CNTN5: variants seen among roughly 807,000 people sequenced by gnomAD.
CNTN5 encodes contactin-5.
CNTN5 carries 77 observed loss-of-function variants against 129.1 expected under a neutral mutation model. The observed-to-expected ratio is 0.60, with a 90% CI of 0.50 to 0.72. The LOEUF is 0.72. Among genes scored for constraint, CNTN5 ranks in the 30% least tolerant of loss-of-function variants. CNTN5 has a pLI of 0.00. For synonymous variants in CNTN5, 509 were observed against 465.6 expected, an observed-to-expected ratio of 1.09 and a Z score of -1.20; for missense variants, 1,478 against 1,328.8, an observed-to-expected ratio of 1.11 and a Z score of -1.75.
At chr11:100,022,733 T>C (rs1160050608) in intron 9 of CNTN5, among the ~76,000 whole-genome samples, 1 of 152,188 alleles carries the variant, frequency 6.6e-6, no homozygotes, top group Non-Finnish European at 1.5e-5. Context: ...ATTTCAACTT[T>C]TGTATGCCTA....
intron 9 of CNTN5, among the ~76,000 whole-genome samples, chr11:100,019,631 A>G (rs1081362): frequency 0.42 from 63,630 of 151,698 alleles, 13,828 homozygotes; most frequent in East Asian, 0.56. Context: ...CTTGGCTGTT[A>G]TAAATATATG....
chr11:99,924,353 T>G (rs1197730803), intron 7 of CNTN5, among the ~76,000 whole-genome samples: 1 of 152,170 alleles, frequency 6.6e-6, no homozygotes, highest in East Asian at 1.9e-4. Context: ...TTAGGTTTTC[T>G]TCTAGGATTT....
chr11:100,337,092 C>G, intron 21 of CNTN5: 1 of 1,352,588 alleles, frequency 7.4e-7, no homozygotes, highest in Non-Finnish European at 1.1e-6. Context: ...TAGGGATCAT[C>G]AGACATGCAG....
At chr11:99,503,304 AC>A (rs1161697997) in intron 2 of CNTN5, among the ~76,000 whole-genome samples, 2 of 152,216 alleles carry the variant, frequency 1.3e-5, no homozygotes, top group African/African-American at 4.8e-5. Context: ...GGTTGTCAAA[AC>A]CGGGTGATCC....
chr11:100,025,600 G>A (rs545694769), intron 9 of CNTN5, among the ~76,000 whole-genome samples: 2 of 152,274 alleles, frequency 1.3e-5, no homozygotes, highest in African/African-American at 4.8e-5. Context: ...CAACTGGGAG[G>A]GGGACTGTAC....
At chr11:100,066,610 CAT>C (rs1943704715) in intron 10 of CNTN5, among the ~76,000 whole-genome samples, 1 of 151,974 alleles carries the variant, frequency 6.6e-6, no homozygotes, top group Non-Finnish European at 1.5e-5. Context: ...TTTAAAGTGC[CAT>C]ATGTCTCTTC....
intron 2 of CNTN5, among the ~76,000 whole-genome samples, chr11:99,521,617 T>G (rs1947278966): frequency 6.6e-6 from 1 of 152,312 alleles, no homozygotes; most frequent in South Asian, 2.1e-4. Flanking sequence ...TTGCTTTAAC[T>G]GCGTTAGCTT....
At chr11:99,308,162 T>C (rs1355850557) in intron 1 of CNTN5, among the ~76,000 whole-genome samples, 1 of 152,214 alleles carries the variant, frequency 6.6e-6, no homozygotes, top group African/African-American at 2.4e-5. Flanking sequence ...CCTGTTTCTT[T>C]CTAGTACTAC....
chr11:99,948,872 C>T (rs1314734146), intron 7 of CNTN5, among the ~76,000 whole-genome samples: 1 of 152,176 alleles, frequency 6.6e-6, no homozygotes, highest in African/African-American at 2.4e-5. Flanking sequence ...AGAAAATTTG[C>T]CACACCTGGA....
At chr11:100,023,280 T>C (rs79404759) in intron 9 of CNTN5, among the ~76,000 whole-genome samples, 6,705 of 152,288 alleles carry the variant, frequency 0.044, 191 homozygotes, top group African/African-American at 0.078. Flanking sequence ...TGATCTTCTG[T>C]TAATCACCTC....
chr11:100,269,114 G>A (rs73563746), intron 17 of CNTN5, among the ~76,000 whole-genome samples: 2,699 of 152,276 alleles, frequency 0.018, 92 homozygotes, highest in African/African-American at 0.062. Flanking sequence ...CTGATAAGGC[G>A]TAGTCAGGTG....
At chr11:99,855,665 A>T (rs999371219) in intron 6 of CNTN5, among the ~76,000 whole-genome samples, 1 of 152,180 alleles carries the variant, frequency 6.6e-6, no homozygotes, top group Non-Finnish European at 1.5e-5. Context: ...CTCCTTTCCA[A>T]GTAAGGTATC....
chr11:99,769,408 T>C (rs537819236), intron 3 of CNTN5, among the ~76,000 whole-genome samples: 1 of 152,310 alleles, frequency 6.6e-6, no homozygotes, highest in African/African-American at 2.4e-5. Context: ...TACTTTTTTC[T>C]TATTCATAAA....
At chr11:99,594,016 G>T (rs935348958) in intron 3 of CNTN5, among the ~76,000 whole-genome samples, 2 of 152,110 alleles carry the variant, frequency 1.3e-5, no homozygotes, top group Non-Finnish European at 2.9e-5. Context: ...TTTAGAATTG[G>T]TGCATTTTAA....
intron 3 of CNTN5, among the ~76,000 whole-genome samples, chr11:99,666,804 G>T (rs1952809483): frequency 6.6e-6 from 1 of 152,136 alleles, no homozygotes; most frequent in African/African-American, 2.4e-5. Context: ...GCTCCAGTCA[G>T]AAGGGAGAGC....
intron 1 of CNTN5, among the ~76,000 whole-genome samples, chr11:99,039,609 G>A (rs764418991): frequency 2.0e-5 from 3 of 152,086 alleles, no homozygotes; most frequent in Admixed American, 6.6e-5. Context: ...CTGGAGTCAC[G>A]TACATTTCAG....
intron 2 of CNTN5, among the ~76,000 whole-genome samples, chr11:99,514,573 A>G (rs1269510141): frequency 6.6e-6 from 1 of 152,084 alleles, no homozygotes; most frequent in African/African-American, 2.4e-5. Flanking sequence ...TCCAGAACCC[A>G]ATAACATTAA....
chr11:99,797,802 G>A (rs1480011144), intron 3 of CNTN5, among the ~76,000 whole-genome samples: 1 of 151,994 alleles, frequency 6.6e-6, no homozygotes, highest in Non-Finnish European at 1.5e-5. Context: ...CAATTTTTGT[G>A]TGTGTTGGAA....
At position 99,588,339 on chromosome 11, in the gene CNTN5, T is replaced by G. The variant is rs555850299; in HGVS notation, c.55+32070T>G. Among the ~76,000 whole-genome samples the G allele has an allele frequency of 9.6e-3, 597 of 62,390 alleles. 23 individuals carry two copies. In the East Asian group the frequency reaches 0.18, roughly 19 times the overall value. 40.9% of individuals were successfully genotyped at this position (62,390 alleles called of 152,430 possible). A position where few individuals can be genotyped will look rare whatever the true frequency, so the allele number is the denominator to read the frequency against. On this transcript the variant is annotated intron_variant, in intron 3 of 24. Transcript: ENST00000524871. ...AGCCTGGGCGACAGAGCAAGACTCC[T>G]TCTCAAAAAAAAAAAAAAAAAAAAA...
Sources: gnomAD v4.1 joint callset for allele counts (sites outside exome capture counted in the v4.1 genomes callset) on GRCh38, gnomAD v4.1.1 for gene constraint, MANE v1.5 for transcripts, NCBI Gene and HGNC (gene_info 2026-07-23, HGNC 2026-07-21) for gene names.